Variants in C12orf42 observed in about 807,000 individuals in gnomAD.
C12orf42 encodes the protein uncharacterized protein C12orf42.
A neutral mutation model predicts 21.6 loss-of-function variants in C12orf42; 25 were observed. The observed-to-expected ratio is 1.16, with a 90% CI of 0.84 to 1.62. The LOEUF is 1.62. C12orf42 is among the 40% of genes most tolerant of loss of function. The pLI is 0.00. For missense variants in C12orf42, 483 were observed against 459.3 expected (o/e 1.05, Z -0.47); for synonymous variants, 174 against 175.0 (o/e 0.99, Z 0.05).
chr12:103,271,239 G>A (rs1325356895), intron 5 of C12orf42, among the ~76,000 whole-genome samples: 3 of 152,234 alleles, frequency 2.0e-5, no homozygotes, highest in African/African-American at 7.2e-5. Context: ...ATCAGTTACT[G>A]TATACTTCAT....
chr12:103,523,518 T>G, the C12orf42 span, among the ~76,000 whole-genome samples: 1 of 151,792 alleles, frequency 6.6e-6, no homozygotes, highest in Non-Finnish European at 1.5e-5. Context: ...ATGCTGTAGT[T>G]GCTTAATGAT....
At chr12:103,370,047 A>G (rs1437705737) in intron 3 of C12orf42, among the ~76,000 whole-genome samples, 1 of 152,152 alleles carries the variant, frequency 6.6e-6, no homozygotes, top group Non-Finnish European at 1.5e-5. Flanking sequence ...AAAACAAACA[A>G]CACCATTACA....
chr12:103,435,632 A>C (rs1403811833), intron 2 of C12orf42, among the ~76,000 whole-genome samples: 20 of 152,286 alleles, frequency 1.3e-4, no homozygotes, highest in Middle Eastern at 6.8e-3. Flanking sequence ...GATGCGATCA[A>C]CTGGAAGAAA....
At chr12:103,235,588 G>A (rs1447969623), downstream of C12orf42, among the ~76,000 whole-genome samples, 1 of 152,104 alleles carries the variant, frequency 6.6e-6, no homozygotes, top group African/African-American at 2.4e-5. Context: ...ACTTCCTCAT[G>A]TGTTTATGCA....
intron 2 of C12orf42, among the ~76,000 whole-genome samples, chr12:103,443,409 G>C (rs1263533000): frequency 1.3e-5 from 2 of 152,038 alleles, no homozygotes; most frequent in African/African-American, 4.8e-5. Flanking sequence ...GCACTCTAGA[G>C]TTTAGGTAAC....
chr12:103,311,670 A>G (rs1399315585), intron 4 of C12orf42, among the ~76,000 whole-genome samples: 1 of 152,222 alleles, frequency 6.6e-6, no homozygotes, highest in Non-Finnish European at 1.5e-5. Flanking sequence ...GCCAAAATCC[A>G]TAGCCCATGA....
intron 4 of C12orf42, among the ~76,000 whole-genome samples, chr12:103,357,401 G>A (rs1289213119): frequency 6.6e-6 from 1 of 151,912 alleles, no homozygotes; most frequent in Non-Finnish European, 1.5e-5. Context: ...GTTTCTTAAT[G>A]CAAAAATAGC....
chr12:103,428,731 C>A (rs1273071368), intron 2 of C12orf42, among the ~76,000 whole-genome samples: 3 of 152,162 alleles, frequency 2.0e-5, no homozygotes, highest in Admixed American at 6.5e-5. Context: ...AAAATACTGG[C>A]AAACTGAATC....
chr12:103,461,985 T>A (rs1952735819), intron 2 of C12orf42, among the ~76,000 whole-genome samples: 1 of 151,880 alleles, frequency 6.6e-6, no homozygotes, highest in African/African-American at 2.4e-5. Context: ...ATCTACTTAG[T>A]CTGGACTCAA....
chr12:103,207,323 C>G, the C12orf42 span, among the ~76,000 whole-genome samples: 1 of 152,226 alleles, frequency 6.6e-6, no homozygotes, highest in Non-Finnish European at 1.5e-5. Flanking sequence ...AGAGCCCTAA[C>G]AGGGGATCCT....
chr12:103,368,537 C>A (rs374476771), intron 4 of C12orf42, among the ~76,000 whole-genome samples: 1 of 152,002 alleles, frequency 6.6e-6, no homozygotes, highest in East Asian at 1.9e-4. Context: ...GAAAGAAGAG[C>A]GTTTCTGTAC....
chr12:103,551,792 G>C, the C12orf42 span, among the ~76,000 whole-genome samples: 6 of 152,038 alleles, frequency 3.9e-5, no homozygotes, highest in Non-Finnish European at 8.8e-5. Context: ...ACTCCAGCCT[G>C]GGTGACAGAG....
the C12orf42 span, among the ~76,000 whole-genome samples, chr12:103,509,393 T>A: frequency 0.084 from 12,826 of 152,026 alleles, 724 homozygotes; most frequent in Non-Finnish European, 0.13. Flanking sequence ...AAAAAATAAA[T>A]CTCAGCCCCT....
chr12:103,057,429 C>T, the C12orf42 span, among the ~76,000 whole-genome samples: 2 of 152,102 alleles, frequency 1.3e-5, no homozygotes, highest in African/African-American at 2.4e-5. Context: ...TTAACTCCCA[C>T]TTATGAGTGA....
intron 4 of C12orf42, among the ~76,000 whole-genome samples, chr12:103,365,409 TG>T (rs1169114641): frequency 6.6e-6 from 1 of 152,042 alleles, no homozygotes; most frequent in East Asian, 1.9e-4. Context: ...CTCTGAGAAC[TG>T]GAACAAGACA....
chr12:103,537,584 G>A, the C12orf42 span, among the ~76,000 whole-genome samples: 1 of 152,190 alleles, frequency 6.6e-6, no homozygotes, highest in East Asian at 1.9e-4. Flanking sequence ...GTGCTGAGAA[G>A]TGGCTGTAGA....
In C12orf42 at chr12:103,322,097, G is replaced by A. The variant is rs1007959085; in HGVS notation, c.260-15752C>T. The stretch of plus-strand genomic sequence containing the variant: ...TATGTTTTATTCTGTCTTCTCAGAT[G>A]TGCACGCGCGTGCGTGCGCGCGCGC... On this transcript the variant is annotated intron_variant, in intron 4 of 5. Transcript: ENST00000548883. 2.2e-5 allele frequency among the ~76,000 whole-genome samples: 3 copies of A among 137,022 alleles called. No homozygotes were observed. In the Admixed American group the frequency reaches 2.2e-4, roughly 10 times the overall value. The allele number at this position is 137,022 out of a possible 152,430, so 89.9% of individuals were successfully genotyped here. A position where few individuals can be genotyped will look rare whatever the true frequency, so the allele number is the denominator to read the frequency against.
the C12orf42 span, among the ~76,000 whole-genome samples, chr12:103,544,068 T>C: frequency 6.6e-6 from 1 of 151,932 alleles, no homozygotes; most frequent in African/African-American, 2.4e-5. Context: ...TAATTTTGTT[T>C]TTATATTTTT....
the C12orf42 span, among the ~76,000 whole-genome samples, chr12:103,225,439 T>A: frequency 6.6e-6 from 1 of 151,782 alleles, no homozygotes; most frequent in Non-Finnish European, 1.5e-5. Context: ...TTGAGTAGGG[T>A]AAGGGTGATT....
Sources: allele counts gnomAD v4.1 joint callset (sites outside exome capture counted in the v4.1 genomes callset), GRCh38; gene constraint gnomAD v4.1.1; transcripts MANE v1.5; gene names NCBI Gene and HGNC (gene_info 2026-07-23, HGNC 2026-07-21).